Variants in KALRN observed in about 807,000 individuals in gnomAD.
KALRN encodes kalirin.
In KALRN, 70 loss-of-function variants were observed where a neutral mutation model predicts 353.7. The observed-to-expected ratio is 0.20, with a 90% confidence interval of 0.16 to 0.24. The LOEUF (loss-of-function observed/expected upper bound fraction) is 0.24. KALRN is among the 10% of genes least tolerant of loss of function. The pLI, the probability that KALRN is intolerant of heterozygous loss-of-function variation, is 1.00. For missense variants in KALRN, 2,791 were observed against 3,756.7 expected, an observed-to-expected ratio of 0.74 and a Z score of 6.72; for synonymous variants, 1,391 against 1,434.8, an observed-to-expected ratio of 0.97 and a Z score of 0.69.
chr3:124,645,964 G>A (rs182781101), intron 37 of KALRN, among the ~76,000 whole-genome samples: 63 of 152,128 alleles, frequency 4.1e-4, no homozygotes, highest in Admixed American at 2.6e-3. Flanking sequence ...GCCAACATTT[G>A]TTATCTCTTA....
chr3:124,266,256 A>G (rs1039734191), intron 4 of KALRN, among the ~76,000 whole-genome samples: 1 of 152,340 alleles, frequency 6.6e-6, no homozygotes, highest in South Asian at 2.1e-4. Context: ...CAATATGGAC[A>G]CTATAATCTG....
intron 34 of KALRN, among the ~76,000 whole-genome samples, chr3:124,602,821 A>G (rs1160814213): frequency 1.3e-5 from 2 of 152,198 alleles, no homozygotes; most frequent in Non-Finnish European, 2.9e-5. Context: ...ATGTTTCACA[A>G]ATGACAAAGC....
intron 1 of KALRN, among the ~76,000 whole-genome samples, chr3:124,073,264 T>C (rs1176170737): frequency 6.6e-6 from 1 of 152,184 alleles, no homozygotes; most frequent in Non-Finnish European, 1.5e-5. Flanking sequence ...ACCCTTTACC[T>C]TGTGGGTTAA....
intron 1 of KALRN, among the ~76,000 whole-genome samples, chr3:124,214,105 C>A (rs546752490): frequency 2.0e-5 from 3 of 152,004 alleles, no homozygotes; most frequent in African/African-American, 4.8e-5. Context: ...AATCTGTAAT[C>A]CAACTTTTCA....
At chr3:124,474,609 C>T (rs2061268825) in intron 25 of KALRN, 54 bp from the exon 26 acceptor site, 1 of 1,446,566 alleles carries the variant, frequency 6.9e-7, no homozygotes, top group East Asian at 2.3e-5. Flanking sequence ...GTGCAATCCT[C>T]TGGGGGGTCA....
intron 34 of KALRN, among the ~76,000 whole-genome samples, chr3:124,571,027 G>A (rs1467014783): frequency 6.6e-6 from 1 of 152,098 alleles, no homozygotes; most frequent in South Asian, 2.1e-4. Context: ...CTCATATATT[G>A]CACTGAAATC....
chr3:124,167,356 G>T (rs995955444), intron 1 of KALRN, among the ~76,000 whole-genome samples: 12 of 152,234 alleles, frequency 7.9e-5, no homozygotes, highest in African/African-American at 2.9e-4. Context: ...TCAGAAAGTT[G>T]TCAGAAACAC....
intron 34 of KALRN, among the ~76,000 whole-genome samples, chr3:124,627,264 A>G (rs2080063713): frequency 6.6e-6 from 1 of 152,236 alleles, no homozygotes; most frequent in African/African-American, 2.4e-5. Context: ...CATTGCTTCC[A>G]GCTCTGAGAT....
chr3:124,659,804 G>A (rs1362027616), intron 43 of KALRN, among the ~76,000 whole-genome samples: 2 of 150,280 alleles, frequency 1.3e-5, no homozygotes, highest in Non-Finnish European at 3.0e-5. Flanking sequence ...GAGAAAGAAA[G>A]GGAAAGGCAA....
chr3:124,478,322 T>G (rs3755673), intron 27 of KALRN, among the ~76,000 whole-genome samples: 2,540 of 152,334 alleles, frequency 0.017, 85 homozygotes, highest in East Asian at 0.083. Flanking sequence ...GTCTACTTTA[T>G]GCAAGATAGT....
intron 3 of KALRN, 54 bp downstream of exon 3, chr3:124,234,997 C>T: frequency 7.5e-7 from 1 of 1,328,260 alleles, no homozygotes; most frequent in Non-Finnish European, 1.1e-6. Context: ...TGGGCTGATG[C>T]CAGTTTTGGA....
intron 1 of KALRN, among the ~76,000 whole-genome samples, chr3:124,206,665 C>T (rs1342223924): frequency 6.6e-6 from 1 of 152,238 alleles, no homozygotes; most frequent in Admixed American, 6.5e-5. Flanking sequence ...AAGATTTCAT[C>T]TAAGTTAGAC....
chr3:124,709,542 TGTTGGGATTACA>T lies in KALRN; in HGVS notation c.8076-3391_8076-3380del, dbSNP rs1485484221. Among the ~76,000 whole-genome samples, 113 of 152,272 alleles carry T rather than the reference TGTTGGGATTACA, an allele frequency of 7.4e-4. No individual in the cohort carries two copies. The South Asian group carries it at 7.9e-3, about 11-fold the overall frequency. On this transcript the variant is annotated intron_variant, in intron 57 of 59. Coordinates refer to ENST00000682506, the MANE Select transcript of KALRN (RefSeq NM_001388419.1). ...ATGCACCCACCTTGGTCTCCCAAGGTGTTGGGATTACAGGCGTGAGCCACTGCACCTGACCTG... is the reference window on the plus strand; with the variant it reads ...ATGCACCCACCTTGGTCTCCCAAGGTGGCGTGAGCCACTGCACCTGACCTG...
chr3:124,261,351 A>G (rs2072843093), intron 3 of KALRN, among the ~76,000 whole-genome samples: 1 of 152,236 alleles, frequency 6.6e-6, no homozygotes, highest in Non-Finnish European at 1.5e-5. Flanking sequence ...GATGTATGGC[A>G]AATACTGAAC....
intron 3 of KALRN, among the ~76,000 whole-genome samples, chr3:124,251,679 A>C (rs961394188): frequency 1.3e-5 from 2 of 152,062 alleles, no homozygotes; most frequent in Non-Finnish European, 2.9e-5. Context: ...TCTTTTTGAG[A>C]GGACTTGATT....
At chr3:124,279,492 A>T (rs1318757712) in intron 5 of KALRN, among the ~76,000 whole-genome samples, 1 of 152,192 alleles carries the variant, frequency 6.6e-6, no homozygotes, top group African/African-American at 2.4e-5. Context: ...ATACAGCCCC[A>T]TCCACAACAA....
chr3:124,459,827 G>A (rs1351514597), intron 23 of KALRN, among the ~76,000 whole-genome samples: 1 of 152,218 alleles, frequency 6.6e-6, no homozygotes, highest in Non-Finnish European at 1.5e-5. Context: ...GTTCCTTGGA[G>A]ATGAAGAAAC....
intron 3 of KALRN, among the ~76,000 whole-genome samples, chr3:124,247,224 T>C (rs559726922): frequency 2.0e-5 from 3 of 152,158 alleles, no homozygotes; most frequent in Non-Finnish European, 4.4e-5. Flanking sequence ...CAAGAAGACA[T>C]AGATGGGTTT....
At chr3:124,406,618 G>A (rs2091569151) in intron 13 of KALRN, among the ~76,000 whole-genome samples, 1 of 152,136 alleles carries the variant, frequency 6.6e-6, no homozygotes, top group Non-Finnish European at 1.5e-5. Context: ...CCATCACAGT[G>A]AAATGCCATG....
Sources: allele counts gnomAD v4.1 joint callset (sites outside exome capture counted in the v4.1 genomes callset), GRCh38; gene constraint gnomAD v4.1.1; transcripts MANE v1.5; gene names NCBI Gene and HGNC (gene_info 2026-07-23, HGNC 2026-07-21).